The following CLASP2 variants were observed in gnomAD, a reference collection of about 807,000 sequenced individuals.
CLASP2 encodes cytoplasmic linker associated protein 2.
A neutral mutation model predicts 194.4 loss-of-function variants in CLASP2; 47 were observed. That is an observed-to-expected ratio of 0.24 (90% CI 0.19 to 0.31). The LOEUF (loss-of-function observed/expected upper bound fraction) is 0.31. Among genes scored for constraint, CLASP2 ranks in the 10% least tolerant of loss-of-function variants. The probability of loss-of-function intolerance (pLI) is 1.00; values close to 1 mark genes in which losing one functional copy is unlikely to be tolerated. For missense variants in CLASP2, 1,445 were observed against 1,823.6 expected, an observed-to-expected ratio of 0.79 and a Z score of 3.78; for synonymous variants, 619 against 633.5, an observed-to-expected ratio of 0.98 and a Z score of 0.34.
rs535191075 is a variant in CLASP2, at chr3:33,674,735, T to C, written c.644+9624A>G. 8.6e-3 allele frequency among the ~76,000 whole-genome samples: 1,312 copies of C among 151,694 alleles called. 20 individuals carry two copies. The highest frequency in any genetic ancestry group is 0.03 in the African/African-American group (1,259 of 41,306). On this transcript the variant is annotated intron_variant, in intron 6 of 38. Transcript: ENST00000682230. ...AGAGAGAAGAATCAAATAGACCCAA[T>C]AAAAAATGATAAAGGGGATATCACC...
Position 33,684,450 on chromosome 3 carries a change from C to T in CLASP2, c.553G>A (p.Asp185Asn), listed in dbSNP as rs2090332182. ...LFGDSNSQVR[D>N]AAILAIVEIY... ...TCCACTATAGCCAATATTGCAGCAT[C>T]TCTCACCTGTCAAAGAATTCAGAAC... is the stretch of plus-strand genomic sequence containing the variant. Residue 185 changes from aspartate to asparagine, a missense_variant, in exon 6 of 39, where the codon GAT (aspartate) becomes AAT (asparagine). Around this residue, in one of 4 missense-constraint regions of CLASP2, gnomAD observed 332 missense variants for 325.3 expected, o/e 1.02. Transcript: ENST00000682230. 4 of 1,585,208 alleles carry T rather than the reference C, an allele frequency of 2.5e-6. No individual in the cohort carries two copies. Among genetic ancestry groups the T allele is most frequent in the Non-Finnish European group, 3.4e-6 (4 of 1,164,728 alleles).
chr3:33,647,747 T>G (rs746413494), intron 7 of CLASP2, among the ~76,000 whole-genome samples: 5 of 151,882 alleles, frequency 3.3e-5, no homozygotes, highest in Non-Finnish European at 5.9e-5. Flanking sequence ...AAAAGAAGAG[T>G]AAGTAGGCCG....
intron 21 of CLASP2, among the ~76,000 whole-genome samples, chr3:33,590,012 A>G (rs2068349934): frequency 6.6e-6 from 1 of 152,184 alleles, no homozygotes; most frequent in South Asian, 2.1e-4. Context: ...AAGGTACAGA[A>G]GTACACAAAA....
chr3:33,687,958 A>C (rs2154346794), intron 4 of CLASP2, among the ~76,000 whole-genome samples: 1 of 152,362 alleles, frequency 6.6e-6, no homozygotes, highest in Middle Eastern at 3.4e-3. Context: ...CATTGAATTA[A>C]AAGCAATTCC....
intron 28 of CLASP2, 23 bp downstream of exon 28, chr3:33,560,785 G>A: frequency 1.2e-6 from 2 of 1,604,964 alleles, no homozygotes; most frequent in Non-Finnish European, 8.5e-7. Context: ...AGGTTAACTT[G>A]AAATATATGA....
intron 32 of CLASP2, among the ~76,000 whole-genome samples, chr3:33,540,413 ATTTTTTTTTGTAGAGATGG>A: frequency 6.7e-6 from 1 of 150,354 alleles, no homozygotes; most frequent in Admixed American, 6.6e-5. Flanking sequence ...ATTTAAAAAA[ATTTTTTTTTGTAGAGATGG>A]GGTCTCAATA....
At chr3:33,647,762 C>T (rs561421259) in intron 7 of CLASP2, among the ~76,000 whole-genome samples, 15 of 152,248 alleles carry the variant, frequency 9.9e-5, no homozygotes, top group Admixed American at 6.5e-4. Flanking sequence ...AGGCCGGGCG[C>T]GGTGGCTCAC....
In CLASP2 at chr3:33,538,955, C is replaced by T. The variant is rs372064883; in HGVS notation, c.3405-13G>A. On this transcript the variant is annotated splice_polypyrimidine_tract_variant and intron_variant, in intron 32 of 38. Transcript: ENST00000682230. Reference sequence around the variant, plus strand: ...ATAATCAAATGCACTATGAAAAAGACGACACTAATTTTTACTTAGGTGTAG... The same window carrying T: ...ATAATCAAATGCACTATGAAAAAGATGACACTAATTTTTACTTAGGTGTAG... 8.3e-5 allele frequency: 127 copies of T among 1,537,072 alleles called. No homozygotes were observed. The highest frequency in any genetic ancestry group is 2.1e-4 in the Admixed American group (10 of 46,914).
chr3:33,527,868 CAGG>C (rs2055026335), intron 34 of CLASP2, among the ~76,000 whole-genome samples: 1 of 152,062 alleles, frequency 6.6e-6, no homozygotes, highest in African/African-American at 2.4e-5. Flanking sequence ...GAGGCTGAGG[CAGG>C]AGAATTACTT....
intron 34 of CLASP2, among the ~76,000 whole-genome samples, chr3:33,520,079 T>C (rs939478742): frequency 1.3e-5 from 2 of 152,198 alleles, no homozygotes; most frequent in African/African-American, 4.8e-5. Context: ...ACTGGCGTGA[T>C]CTTGGCTCAC....
chr3:33,551,111 A>G, intron 30 of CLASP2, 141 bp downstream of exon 30: 1 of 667,882 alleles, frequency 1.5e-6, no homozygotes, highest in Non-Finnish European at 2.3e-6. Context: ...ATTTGAAACA[A>G]TTTTAAAGAT....
rs767242012 is a variant in CLASP2, at chr3:33,663,441, T to C, written c.715+4A>G. ...GAAATGTTTGAGAGCTTAATTACTC[T>C]TACCTTTGCAGACACTCAAAATCAT... On this transcript the variant is annotated splice_donor_region_variant and intron_variant, in intron 7 of 38. Transcript: ENST00000682230. 1 of 1,610,650 alleles carries C rather than the reference T, an allele frequency of 6.2e-7. No homozygotes were observed. Among genetic ancestry groups the C allele is most frequent in the Non-Finnish European group, 8.5e-7 (1 of 1,178,138 alleles).
Position 33,533,065 on chromosome 3 carries a change from G to C in CLASP2, c.3787+2168C>G, listed in dbSNP as rs919138098. On this transcript the variant is annotated intron_variant, in intron 34 of 38. Transcript: ENST00000682230. Reference sequence around the variant, plus strand: ...AATACATATTTATAGTACAATCAAGGCAAGAAAAGTCAGTTGACATTTAGT... The same window carrying C: ...AATACATATTTATAGTACAATCAAGCCAAGAAAAGTCAGTTGACATTTAGT... Among the ~76,000 whole-genome samples the C allele has an allele frequency of 3.3e-5, 5 of 152,232 alleles. No homozygotes were observed. The East Asian group carries it at 9.6e-4, about 29-fold the overall frequency.
intron 37 of CLASP2, among the ~76,000 whole-genome samples, chr3:33,509,996 CAACAGATG>C (rs1270429969): frequency 1.3e-5 from 2 of 152,090 alleles, no homozygotes; most frequent in Non-Finnish European, 2.9e-5. Context: ...AAATATTTAT[CAACAGATG>C]AACAGATTAA....
At chr3:33,605,475 C>T (rs1560272403) in intron 16 of CLASP2, among the ~76,000 whole-genome samples, 1 of 152,150 alleles carries the variant, frequency 6.6e-6, no homozygotes, top group Non-Finnish European at 1.5e-5. Flanking sequence ...AACTTTAGTA[C>T]AGTATTTGAA....
chr3:33,602,008 G>A (rs1453675805), intron 18 of CLASP2, among the ~76,000 whole-genome samples: 3 of 151,140 alleles, frequency 2.0e-5, no homozygotes, highest in East Asian at 3.9e-4. Flanking sequence ...TCCAAAATCC[G>A]AAATACCTTT....
At chr3:33,598,162 T>C (rs112451548) in intron 18 of CLASP2, among the ~76,000 whole-genome samples, 1,474 of 141,282 alleles carry the variant, frequency 0.01, 11 homozygotes, top group South Asian at 0.032. Context: ...CTCACAGGTC[T>C]TTTTTTTTTT....
At chr3:33,713,270 T>C (rs2093124480) in intron 1 of CLASP2, among the ~76,000 whole-genome samples, 1 of 152,164 alleles carries the variant, frequency 6.6e-6, no homozygotes, top group African/African-American at 2.4e-5. Context: ...ATAAATTTTA[T>C]TTCAGAATTG....
chr3:33,687,780 C>T (rs935184815), intron 4 of CLASP2, among the ~76,000 whole-genome samples: 1 of 152,116 alleles, frequency 6.6e-6, no homozygotes, highest in African/African-American at 2.4e-5. Context: ...TTTTTCAGAT[C>T]AGAGTCATAG....
Sources: gnomAD v4.1 joint callset for allele counts (sites outside exome capture counted in the v4.1 genomes callset) on GRCh38, gnomAD v4.1.1 for gene constraint, gnomAD v4.1.1 regional missense constraint, MANE v1.5 for transcripts, NCBI Gene and HGNC (gene_info 2026-07-23, HGNC 2026-07-21) for gene names.